Variants in NKAIN2 observed in about 807,000 individuals in gnomAD.
The protein encoded by NKAIN2 is sodium/potassium-transporting ATPase subunit beta-1-interacting protein 2.
Under a neutral mutation model 32.6 loss-of-function variants are expected in NKAIN2, and 14 were observed. The ratio of observed to expected loss-of-function variants is 0.43; its 90% confidence interval spans 0.28 to 0.67. The LOEUF is 0.67. Ranked by LOEUF, NKAIN2 falls within the 30% of genes least tolerant of loss-of-function variation. The probability of loss-of-function intolerance (pLI) is 0.17; values close to 1 mark genes in which losing one functional copy is unlikely to be tolerated. For missense variants in NKAIN2, 198 were observed against 258.3 expected (o/e 0.77, Z 1.60); for synonymous variants, 80 against 87.2 (o/e 0.92, Z 0.46).
chr6:124,286,594 A>C (rs531306904), intron 2 of NKAIN2, among the ~76,000 whole-genome samples: 1 of 151,666 alleles, frequency 6.6e-6, no homozygotes, highest in South Asian at 2.1e-4. Flanking sequence ...GTAGTGAGTT[A>C]GAATTTTTCG....
intron 3 of NKAIN2, among the ~76,000 whole-genome samples, chr6:124,622,770 C>A (rs1165807149): frequency 6.6e-6 from 1 of 152,136 alleles, no homozygotes; most frequent in Non-Finnish European, 1.5e-5. Flanking sequence ...CTCCGACAAC[C>A]CCCAGCTGAA....
In NKAIN2 at chr6:124,515,088, G is replaced by C. The variant is rs543463169; in HGVS notation, c.274-143098G>C. On this transcript the variant is annotated intron_variant, in intron 3 of 6. Coordinates refer to ENST00000368417, the MANE Select transcript of NKAIN2 (RefSeq NM_001040214.3). ...TCCTAAATAATGACTGAGTAGCACAGATATTTCAGAGAGACTGCAGGTCAG... is the reference window on the plus strand; with the variant it reads ...TCCTAAATAATGACTGAGTAGCACACATATTTCAGAGAGACTGCAGGTCAG... Among the ~76,000 whole-genome samples the C allele has an allele frequency of 1.0e-3, 158 of 152,264 alleles. 2 individuals carry two copies. In the South Asian group the frequency reaches 0.015, roughly 14 times the overall value.
intron 3 of NKAIN2, among the ~76,000 whole-genome samples, chr6:124,557,702 G>A (rs1391884686): frequency 6.6e-6 from 1 of 152,116 alleles, no homozygotes; most frequent in African/African-American, 2.4e-5. Flanking sequence ...CTTATTTGAG[G>A]TCAGACAGAA....
intron 3 of NKAIN2, among the ~76,000 whole-genome samples, chr6:124,509,949 A>G (rs1019680165): frequency 3.9e-5 from 6 of 152,190 alleles, no homozygotes; most frequent in African/African-American, 1.4e-4. Context: ...TGTTCCTTTC[A>G]GTCAGAAGAA....
intron 1 of NKAIN2, among the ~76,000 whole-genome samples, chr6:124,205,092 G>A (rs1222290915): frequency 6.6e-6 from 1 of 151,234 alleles, no homozygotes; most frequent in African/African-American, 2.4e-5. Flanking sequence ...CCAGGTAACT[G>A]TTTCACAATT....
At chr6:124,213,741 A>G (rs983236036) in intron 1 of NKAIN2, among the ~76,000 whole-genome samples, 1 of 152,172 alleles carries the variant, frequency 6.6e-6, no homozygotes, top group East Asian at 1.9e-4. Flanking sequence ...TTATTGTAAA[A>G]TCCATATAGT....
chr6:123,865,783 A>T (rs1158366368), intron 1 of NKAIN2, among the ~76,000 whole-genome samples: 1 of 152,222 alleles, frequency 6.6e-6, no homozygotes, highest in Non-Finnish European at 1.5e-5. Context: ...GGAACAATCA[A>T]AGAGAAGAAT....
At chr6:124,649,301 A>G (rs1784283772) in intron 3 of NKAIN2, among the ~76,000 whole-genome samples, 1 of 152,314 alleles carries the variant, frequency 6.6e-6, no homozygotes, top group South Asian at 2.1e-4. Flanking sequence ...ATAACTACAG[A>G]TATCTGGACA....
chr6:123,882,544 A>G (rs1773502014), intron 1 of NKAIN2, among the ~76,000 whole-genome samples: 1 of 152,212 alleles, frequency 6.6e-6, no homozygotes, highest in Non-Finnish European at 1.5e-5. Flanking sequence ...ATAGTGTCAT[A>G]CATTATTTAA....
chr6:124,715,477 T>G (rs895154981), intron 4 of NKAIN2, among the ~76,000 whole-genome samples: 1 of 152,184 alleles, frequency 6.6e-6, no homozygotes, highest in African/African-American at 2.4e-5. Flanking sequence ...CACTCTCCCC[T>G]GAGCCACTCT....
intron 2 of NKAIN2, among the ~76,000 whole-genome samples, chr6:124,354,852 A>C (rs1253293665): frequency 6.6e-6 from 1 of 151,482 alleles, no homozygotes; most frequent in Non-Finnish European, 1.5e-5. Context: ...AAGAAAAAAA[A>C]AAAAAAAAAA....
intron 3 of NKAIN2, among the ~76,000 whole-genome samples, chr6:124,390,258 A>AT (rs1773085443): frequency 6.6e-6 from 1 of 152,046 alleles, no homozygotes; most frequent in Admixed American, 6.6e-5. Flanking sequence ...AACGTTTCTT[A>AT]TTTGAGGTAC....
chr6:124,438,216 G>A (rs146749689), intron 3 of NKAIN2, among the ~76,000 whole-genome samples: 5 of 152,038 alleles, frequency 3.3e-5, no homozygotes, highest in African/African-American at 7.2e-5. Flanking sequence ...TGCAATAATT[G>A]TCTAAAAATC....
Position 124,267,583 on chromosome 6 carries a change from G to A in NKAIN2, c.55-15422G>A, listed in dbSNP as rs1420841961. On this transcript the variant is annotated intron_variant, in intron 1 of 6. Transcript: ENST00000368417. ...ATGCTCTAGATAATGGTATAATACA[G>A]TGGATATATTAAAATTTTTACACAG... is the stretch of plus-strand genomic sequence containing the variant. 2.0e-5 allele frequency among the ~76,000 whole-genome samples: 3 copies of A among 151,586 alleles called. No individual in the cohort carries two copies. The East Asian group carries it at 5.8e-4, about 29-fold the overall frequency.
At chr6:124,678,551 A>G (rs985662831) in intron 4 of NKAIN2, among the ~76,000 whole-genome samples, 1 of 152,152 alleles carries the variant, frequency 6.6e-6, no homozygotes, top group East Asian at 1.9e-4. Flanking sequence ...CTTCAGGTCT[A>G]AAATTCATTT....
chr6:124,429,898 A>G (rs1440195042), intron 3 of NKAIN2, among the ~76,000 whole-genome samples: 2 of 152,156 alleles, frequency 1.3e-5, no homozygotes, highest in Middle Eastern at 3.2e-3. Flanking sequence ...AAGATGCTAG[A>G]AAGAATTAGC....
intron 6 of NKAIN2, among the ~76,000 whole-genome samples, chr6:124,819,574 AGT>A (rs1477363922): frequency 2.6e-4 from 40 of 152,286 alleles, no homozygotes; most frequent in Middle Eastern, 3.4e-3. Flanking sequence ...AATTCATGCA[AGT>A]ATGACCTGTT....
intron 1 of NKAIN2, among the ~76,000 whole-genome samples, chr6:124,001,800 AATATATATATATATATAT>A (rs10567719): frequency 7.4e-6 from 1 of 135,142 alleles, no homozygotes; most frequent in Non-Finnish European, 1.6e-5. Flanking sequence ...CTTAGTTCTA[AATATATATATATATATAT>A]ATATATATAT....
At chr6:124,560,237 A>T (rs573048460) in intron 3 of NKAIN2, among the ~76,000 whole-genome samples, 1 of 152,184 alleles carries the variant, frequency 6.6e-6, no homozygotes. Context: ...CATGATAGTG[A>T]GTCAGTTCTC....
Sources: allele counts gnomAD v4.1 joint callset (sites outside exome capture counted in the v4.1 genomes callset), GRCh38; gene constraint gnomAD v4.1.1; transcripts MANE v1.5; gene names NCBI Gene and HGNC (gene_info 2026-07-23, HGNC 2026-07-21).